The following PHLPP1 variants were observed in gnomAD, a reference collection of about 807,000 sequenced individuals.
The protein encoded by PHLPP1 is PH domain leucine-rich repeat-containing protein phosphatase 1.
A neutral mutation model predicts 117.2 loss-of-function variants in PHLPP1; 42 were observed. The ratio of observed to expected loss-of-function variants is 0.36; its 90% CI spans 0.28 to 0.46. The LOEUF (loss-of-function observed/expected upper bound fraction) is 0.46, where lower values mean the gene tolerates loss of function less well. PHLPP1 is among the 20% of genes least tolerant of loss of function. The pLI is 1.00. For missense variants in PHLPP1, 2,084 were observed against 2,241.9 expected (o/e 0.93, Z 1.42); for synonymous variants, 1,042 against 970.7 (o/e 1.07, Z -1.37).
chr18:62,740,549 C>G (rs557478670), intron 1 of PHLPP1, among the ~76,000 whole-genome samples: 8 of 152,288 alleles, frequency 5.3e-5, no homozygotes, highest in African/African-American at 1.7e-4. Flanking sequence ...CCATGCTAAA[C>G]CTATCATGGA....
intron 9 of PHLPP1, among the ~76,000 whole-genome samples, chr18:62,916,747 C>CTTTTTTTTTTTTTTTTTTTT (rs10538704): frequency 1.4e-5 from 1 of 71,090 alleles, no homozygotes; most frequent in African/African-American, 6.0e-5. Flanking sequence ...TCCTTCTATT[C>CTTTTTTTTTTTTTTTTTTTT]TTTTTTTTTT....
intron 4 of PHLPP1, among the ~76,000 whole-genome samples, chr18:62,883,614 T>C (rs1916216304): frequency 6.6e-6 from 1 of 152,190 alleles, no homozygotes; most frequent in South Asian, 2.1e-4. Flanking sequence ...TCTGTAACTT[T>C]TTTTTGTAGT....
At position 62,905,204 on chromosome 18, in the gene PHLPP1, GT is replaced by G. The variant is rs3217528; in HGVS notation, c.2648-9del. The G allele has an allele frequency of 0.47, 593,362 of 1,274,782 alleles. 106,466 individuals carry two copies. The highest frequency in any genetic ancestry group is 0.56 in the Middle Eastern group (2,737 of 4,922). 79.0% of individuals were successfully genotyped at this position (1,274,782 alleles called of 1,614,324 possible). On this transcript the variant is annotated intron_variant, in intron 7 of 16. Coordinates refer to ENST00000262719, the MANE Select transcript of PHLPP1 (RefSeq NM_194449.4). ...ATTTGTATAGTAATGTCTTTGTGGGGTTTTTTTTTTTCTTCCTAGAACTTGT... is the reference window on the plus strand; with the variant it reads ...ATTTGTATAGTAATGTCTTTGTGGGGTTTTTTTTTTCTTCCTAGAACTTGT...
At chr18:62,722,550 A>T (rs1000511650) in intron 1 of PHLPP1, among the ~76,000 whole-genome samples, 1 of 152,198 alleles carries the variant, frequency 6.6e-6, no homozygotes, top group African/African-American at 2.4e-5. Flanking sequence ...CTTTAATCAC[A>T]TGCATCTGGT....
At chr18:62,829,144 A>G (rs983755064) in intron 1 of PHLPP1, among the ~76,000 whole-genome samples, 9 of 152,206 alleles carry the variant, frequency 5.9e-5, no homozygotes, top group Admixed American at 2.0e-4. Context: ...ACCATGAGTC[A>G]TAAGCATTGT....
intron 1 of PHLPP1, among the ~76,000 whole-genome samples, chr18:62,786,081 T>C (rs188983948): frequency 2.1e-4 from 32 of 152,368 alleles, no homozygotes; most frequent in Admixed American, 1.5e-3. Context: ...CCTCAGTTTC[T>C]AGTCCCTTCT....
intron 1 of PHLPP1, among the ~76,000 whole-genome samples, chr18:62,770,406 G>C (rs1043379306): frequency 6.6e-6 from 1 of 151,988 alleles, no homozygotes; most frequent in Admixed American, 6.6e-5. Context: ...CACCGTGCCC[G>C]GCCTACTCTG....
intron 3 of PHLPP1, among the ~76,000 whole-genome samples, chr18:62,853,402 T>A (rs1376221672): frequency 6.6e-6 from 1 of 151,904 alleles, no homozygotes; most frequent in African/African-American, 2.4e-5. Context: ...GGAGTCTTGC[T>A]GTTGTTGCCC....
At chr18:62,841,325 T>TTC (rs1473000330) in intron 3 of PHLPP1, among the ~76,000 whole-genome samples, 3 of 151,426 alleles carry the variant, frequency 2.0e-5, no homozygotes, top group East Asian at 1.9e-4. Flanking sequence ...CTGTTTTTCT[T>TTC]TCTCTCTTTT....
At chr18:62,754,589 C>T (rs560785184) in intron 1 of PHLPP1, among the ~76,000 whole-genome samples, 6 of 152,156 alleles carry the variant, frequency 3.9e-5, no homozygotes, top group African/African-American at 1.2e-4. Flanking sequence ...GAGAAAGCTT[C>T]GTGTACTTTG....
At chr18:62,739,385 G>A (rs1185824692) in intron 1 of PHLPP1, among the ~76,000 whole-genome samples, 1 of 152,136 alleles carries the variant, frequency 6.6e-6, no homozygotes, top group African/African-American at 2.4e-5. Context: ...ACCTTTCAGC[G>A]GGATATGGAT....
At chr18:62,870,048 A>G (rs1334561932) in intron 4 of PHLPP1, among the ~76,000 whole-genome samples, 2 of 152,098 alleles carry the variant, frequency 1.3e-5, no homozygotes, top group African/African-American at 4.8e-5. Context: ...GCGCGCCAAC[A>G]CGCCTGGCTA....
At chr18:62,779,793 G>A (rs1458103343) in intron 1 of PHLPP1, among the ~76,000 whole-genome samples, 2 of 152,010 alleles carry the variant, frequency 1.3e-5, no homozygotes, top group African/African-American at 4.8e-5. Context: ...TTTAAGTTTC[G>A]ATTAATTCCA....
Position 62,895,110 on chromosome 18 carries a change from C to G in PHLPP1, c.2166C>G (p.Ser722=), listed in dbSNP as rs1272473749. ...CAACCCTGGCAGAGCTGAACGTGTCCTGCAATGCCCTGCGATCAGTCCCGG... is the reference window on the plus strand; with the variant it reads ...CAACCCTGGCAGAGCTGAACGTGTCGTGCAATGCCCTGCGATCAGTCCCGG... ...SIPTLAELNV[S]CNALRSVPAA... The change falls in exon 5 of 17, where the codon TCC becomes TCG. Residue 722 remains serine, a synonymous_variant. Transcript: ENST00000262719. 1 of 1,613,862 alleles carries G rather than the reference C, an allele frequency of 6.2e-7. No individual in the cohort carries two copies. Among genetic ancestry groups the G allele is most frequent in the Non-Finnish European group, 8.5e-7 (1 of 1,179,884 alleles).
intron 6 of PHLPP1, among the ~76,000 whole-genome samples, chr18:62,898,155 C>T (rs1416217270): frequency 6.6e-6 from 1 of 152,120 alleles, no homozygotes; most frequent in South Asian, 2.1e-4. Context: ...AATCATTCCC[C>T]AGTCTTTCCC....
intron 1 of PHLPP1, among the ~76,000 whole-genome samples, chr18:62,797,320 T>A (rs1568120393): frequency 6.6e-6 from 1 of 152,234 alleles, no homozygotes; most frequent in Non-Finnish European, 1.5e-5. Flanking sequence ...TTGAATGACT[T>A]CTCTGCCCCA....
chr18:62,941,196 C>T (rs1235762274), intron 10 of PHLPP1, among the ~76,000 whole-genome samples: 1 of 152,194 alleles, frequency 6.6e-6, no homozygotes, highest in Non-Finnish European at 1.5e-5. Context: ...GGACTCAAGT[C>T]ACTATGTGAT....
At chr18:62,830,295 T>C (rs758324168) in intron 2 of PHLPP1, 64 bp downstream of exon 2, 163 of 1,389,886 alleles carry the variant, frequency 1.2e-4, no homozygotes, top group Admixed American at 2.3e-4. Flanking sequence ...GGCTCAAGTG[T>C]AGTGGCGTGG....
At chr18:62,928,698 G>A (rs776607377) in intron 10 of PHLPP1, among the ~76,000 whole-genome samples, 5 of 152,152 alleles carry the variant, frequency 3.3e-5, no homozygotes, top group Non-Finnish European at 7.4e-5. Flanking sequence ...CACCAAACTT[G>A]TATATGAATG....
Sources: gnomAD v4.1 joint callset for allele counts (sites outside exome capture counted in the v4.1 genomes callset) on GRCh38, gnomAD v4.1.1 for gene constraint, MANE v1.5 for transcripts, NCBI Gene and HGNC (gene_info 2026-07-23, HGNC 2026-07-21) for gene names.